The following TRUB1 variants were observed in gnomAD, a reference collection of about 807,000 sequenced individuals.
The protein encoded by TRUB1 is pseudouridylate synthase TRUB1.
Under a neutral mutation model 33.9 loss-of-function variants are expected in TRUB1, and 23 were observed. The observed-to-expected ratio is 0.68, with a 90% CI of 0.49 to 0.96. The LOEUF (loss-of-function observed/expected upper bound fraction) is 0.96. Among genes scored for constraint, TRUB1 ranks in the 40% least tolerant of loss-of-function variants. The probability of loss-of-function intolerance (pLI) is 0.00; values close to 1 mark genes in which losing one functional copy is unlikely to be tolerated. For missense variants in TRUB1, 378 were observed against 422.2 expected, an observed-to-expected ratio of 0.90 and a Z score of 0.92; for synonymous variants, 163 against 165.4, an observed-to-expected ratio of 0.99 and a Z score of 0.11.
chr10:114,953,939 C>T (rs1371146305), intron 3 of TRUB1, among the ~76,000 whole-genome samples: 1 of 152,132 alleles, frequency 6.6e-6, no homozygotes, highest in East Asian at 1.9e-4. Flanking sequence ...CAATTCCCAC[C>T]ATGCCCCACC....
At chr10:114,940,987 T>C (rs1488996317) in intron 1 of TRUB1, among the ~76,000 whole-genome samples, 1 of 152,212 alleles carries the variant, frequency 6.6e-6, no homozygotes, top group East Asian at 1.9e-4. Context: ...GGTAATTTTG[T>C]TGGGAGGCCG....
At chr10:114,973,632 A>G (rs2084346528) in intron 6 of TRUB1, among the ~76,000 whole-genome samples, 1 of 152,210 alleles carries the variant, frequency 6.6e-6, no homozygotes, top group African/African-American at 2.4e-5. Context: ...TTGCTGATGG[A>G]TAAAAATAAT....
chr10:114,957,102 T>C (rs2084264755), intron 3 of TRUB1, among the ~76,000 whole-genome samples: 1 of 152,198 alleles, frequency 6.6e-6, no homozygotes, highest in Non-Finnish European at 1.5e-5. Context: ...TGTGTATCAT[T>C]CTGTCAGCAA....
chr10:114,947,157 C>T (rs1216407174), intron 2 of TRUB1, among the ~76,000 whole-genome samples: 1 of 151,530 alleles, frequency 6.6e-6, no homozygotes, highest in Non-Finnish European at 1.5e-5. Flanking sequence ...AGAATGGGGG[C>T]AGCCTCTAAA....
At chr10:114,974,254 T>TACA (rs2084349999) in intron 6 of TRUB1, 75 bp from the exon 7 acceptor site, 6 of 1,092,044 alleles carry the variant, frequency 5.5e-6, no homozygotes, top group Non-Finnish European at 5.6e-6. Flanking sequence ...TTACATTTGT[T>TACA]TAGGGACATC....
chr10:114,974,725 A>G (rs2084352344), intron 7 of TRUB1, among the ~76,000 whole-genome samples: 1 of 152,074 alleles, frequency 6.6e-6, no homozygotes, highest in African/African-American at 2.4e-5. Context: ...TTATTTTCAA[A>G]TTTTTTTAAA....
intron 3 of TRUB1, among the ~76,000 whole-genome samples, chr10:114,954,574 C>T (rs548661693): frequency 6.6e-6 from 1 of 152,222 alleles, no homozygotes; most frequent in Admixed American, 6.5e-5. Context: ...AGCCACTGCT[C>T]TGTGTTCCTC....
intron 4 of TRUB1, 124 bp downstream of exon 4, chr10:114,959,931 C>A: frequency 1.6e-6 from 1 of 629,038 alleles, no homozygotes; most frequent in Non-Finnish European, 2.8e-6. Context: ...TTTCTTTGGG[C>A]TAAGAAGATT....
chr10:114,958,059 T>TA, intron 3 of TRUB1, among the ~76,000 whole-genome samples: 1 of 152,296 alleles, frequency 6.6e-6, no homozygotes, highest in East Asian at 1.9e-4. Context: ...CATGAGGCAT[T>TA]ATTGTTTTCC....
intron 5 of TRUB1, among the ~76,000 whole-genome samples, chr10:114,970,813 T>C (rs971031176): frequency 6.6e-6 from 1 of 152,052 alleles, no homozygotes; most frequent in Admixed American, 6.6e-5. Context: ...TGAGTCAGAG[T>C]CCTAATGTGC....
intron 3 of TRUB1, among the ~76,000 whole-genome samples, chr10:114,953,813 G>A (rs528380235): frequency 4.6e-5 from 7 of 152,270 alleles, no homozygotes; most frequent in African/African-American, 1.7e-4. Context: ...GTGAGAGAGG[G>A]AGTGACAGAG....
intron 5 of TRUB1, 66 bp downstream of exon 5, chr10:114,970,506 G>A (rs982787114): frequency 5.8e-6 from 7 of 1,197,610 alleles, no homozygotes; most frequent in African/African-American, 1.5e-5. Flanking sequence ...CATCACTCTA[G>A]TTAAAATACA....
intron 4 of TRUB1, among the ~76,000 whole-genome samples, chr10:114,962,973 G>A (rs2084290597): frequency 6.6e-6 from 1 of 152,194 alleles, no homozygotes; most frequent in Non-Finnish European, 1.5e-5. Context: ...TAGGTATTAA[G>A]TGTCTGCTAC....
chr10:114,964,356 AT>A (rs1264337138), intron 4 of TRUB1, among the ~76,000 whole-genome samples: 1 of 150,724 alleles, frequency 6.6e-6, no homozygotes, highest in African/African-American at 2.5e-5. Context: ...TTTCTTATAC[AT>A]TTGTATGAGT....
intron 3 of TRUB1, among the ~76,000 whole-genome samples, chr10:114,957,513 T>G (rs555161398): frequency 7.9e-5 from 12 of 152,360 alleles, no homozygotes; most frequent in South Asian, 6.2e-4. Context: ...ATATATGCCT[T>G]CCTTCTTTCT....
chr10:114,959,184 T>C (rs1239477064), intron 3 of TRUB1, among the ~76,000 whole-genome samples: 1 of 152,202 alleles, frequency 6.6e-6, no homozygotes, highest in Non-Finnish European at 1.5e-5. Context: ...TCACTAATTC[T>C]GTGACTATAC....
At chr10:114,950,178 G>A (rs1424129452) in intron 2 of TRUB1, among the ~76,000 whole-genome samples, 2 of 152,156 alleles carry the variant, frequency 1.3e-5, no homozygotes, top group African/African-American at 4.8e-5. Context: ...GATTACAGGC[G>A]TGAGCCAACA....
At chr10:114,952,968 T>C (rs1027791824) in intron 3 of TRUB1, among the ~76,000 whole-genome samples, 3 of 152,218 alleles carry the variant, frequency 2.0e-5, no homozygotes, top group Non-Finnish European at 4.4e-5. Flanking sequence ...GTCACTTTTA[T>C]GTTAATAATA....
Position 114,975,297 on chromosome 10 carries a change from A to C in TRUB1, c.968A>C (p.Glu323Ala). The change falls in exon 8 of 8, where the codon GAG becomes GCG. Residue 323 changes from glutamate to alanine, a missense_variant. Coordinates refer to ENST00000298746, the MANE Select transcript of TRUB1 (RefSeq NM_139169.5). ...TTGGCACTTAAAAAATCAAAACCTG[A>C]GTCTAATGAACAGGTTTTGAGCTGT... ...AELALKKSKP[E>A]SNEQVLSCEY... 6.2e-7 allele frequency: 1 copy of C among 1,613,424 alleles called. No individual in the cohort carries two copies. The highest frequency in any genetic ancestry group is 8.5e-7 in the Non-Finnish European group (1 of 1,179,578).
Sources: gnomAD v4.1 joint callset for allele counts (sites outside exome capture counted in the v4.1 genomes callset) on GRCh38, gnomAD v4.1.1 for gene constraint, MANE v1.5 for transcripts, NCBI Gene and HGNC (gene_info 2026-07-23, HGNC 2026-07-21) for gene names.